The following CCDC7 variants were observed in gnomAD, a reference collection of about 807,000 sequenced individuals.
The protein encoded by CCDC7 is coiled-coil domain-containing protein 7.
A neutral mutation model predicts 196.9 loss-of-function variants in CCDC7; 183 were observed. The ratio of observed to expected loss-of-function variants is 0.93; its 90% CI spans 0.82 to 1.05. The LOEUF (loss-of-function observed/expected upper bound fraction) is 1.05, where lower values mean the gene tolerates loss of function less well. Ranked by LOEUF, CCDC7 falls within the 50% of genes least tolerant of loss-of-function variation. The pLI is 0.00. For missense variants in CCDC7, 1,540 were observed against 1,482.2 expected (o/e 1.04, Z -0.64); for synonymous variants, 525 against 484.6 (o/e 1.08, Z -1.10).
At chr10:32,733,137 C>A (rs528608904) in intron 28 of CCDC7, among the ~76,000 whole-genome samples, 1 of 151,992 alleles carries the variant, frequency 6.6e-6, no homozygotes, top group South Asian at 2.1e-4. Context: ...TTACTCATAT[C>A]TGTTATAAAA....
At chr10:32,455,999 T>C (rs2133461697) in intron 2 of CCDC7, among the ~76,000 whole-genome samples, 1 of 152,202 alleles carries the variant, frequency 6.6e-6, no homozygotes, top group East Asian at 1.9e-4. Flanking sequence ...TGTGTAGAGA[T>C]GAATGAGAGG....
chr10:32,865,668 C>CA (rs959779450), intron 41 of CCDC7, among the ~76,000 whole-genome samples: 3 of 151,762 alleles, frequency 2.0e-5, no homozygotes, highest in African/African-American at 7.2e-5. Flanking sequence ...CAGCTGTAGG[C>CA]ATTGTCAAAA....
chr10:32,585,852 T>C (rs2059216985), intron 18 of CCDC7, among the ~76,000 whole-genome samples: 1 of 152,138 alleles, frequency 6.6e-6, no homozygotes, highest in Non-Finnish European at 1.5e-5. Flanking sequence ...CATGTGTCTT[T>C]ATAGTAAAAT....
At chr10:32,591,819 C>T (rs1202732055) in intron 18 of CCDC7, among the ~76,000 whole-genome samples, 1 of 152,118 alleles carries the variant, frequency 6.6e-6, no homozygotes, top group Non-Finnish European at 1.5e-5. Flanking sequence ...GCAGCGGGCT[C>T]CCATCTGTCC....
At chr10:32,737,885 C>T (rs886886766) in intron 28 of CCDC7, among the ~76,000 whole-genome samples, 1 of 152,126 alleles carries the variant, frequency 6.6e-6, no homozygotes, top group Non-Finnish European at 1.5e-5. Flanking sequence ...TACTCTGTTA[C>T]TTTACTTTTA....
At chr10:32,459,332 G>C (rs2035082655) in intron 3 of CCDC7, among the ~76,000 whole-genome samples, 1 of 151,434 alleles carries the variant, frequency 6.6e-6, no homozygotes, top group African/African-American at 2.4e-5. Context: ...CCTCTAGAGA[G>C]CTCAAAAGTG....
chr10:32,756,500 C>G (rs910482397), intron 28 of CCDC7, among the ~76,000 whole-genome samples: 7 of 152,146 alleles, frequency 4.6e-5, no homozygotes, highest in Non-Finnish European at 7.3e-5. Flanking sequence ...TCCAGCCAAA[C>G]TAAGCTTCAT....
At chr10:32,804,078 A>G (rs1361553781) in intron 29 of CCDC7, among the ~76,000 whole-genome samples, 1 of 152,176 alleles carries the variant, frequency 6.6e-6, no homozygotes, top group Non-Finnish European at 1.5e-5. Context: ...AAAGACATCC[A>G]TCTATTATGT....
chr10:32,514,752 C>A (rs1038590108), intron 9 of CCDC7, among the ~76,000 whole-genome samples: 2 of 152,160 alleles, frequency 1.3e-5, no homozygotes, highest in African/African-American at 4.8e-5. Flanking sequence ...TACAAAACAT[C>A]ATTGAAAGAA....
At chr10:32,696,734 G>A (rs1472027905) in intron 24 of CCDC7, among the ~76,000 whole-genome samples, 2 of 152,088 alleles carry the variant, frequency 1.3e-5, no homozygotes, top group Non-Finnish European at 1.5e-5. Flanking sequence ...GATCTCTTTG[G>A]TGAGGCCCTT....
At chr10:32,841,102 C>T (rs954439228) in intron 33 of CCDC7, among the ~76,000 whole-genome samples, 1 of 152,000 alleles carries the variant, frequency 6.6e-6, no homozygotes, top group African/African-American at 2.4e-5. Flanking sequence ...ACAAGGATGC[C>T]TACTCTCACC....
intron 30 of CCDC7, among the ~76,000 whole-genome samples, chr10:32,805,714 C>T (rs2085688663): frequency 6.6e-6 from 1 of 152,212 alleles, no homozygotes; most frequent in South Asian, 2.1e-4. Context: ...GAGGGACCCT[C>T]TAAAACCACT....
rs572163439 is a variant in CCDC7 at position 32,669,231 on chromosome 10, C to T, written c.2122+5070C>T. Among the ~76,000 whole-genome samples the T allele has an allele frequency of 2.9e-3, 438 of 152,172 alleles. 3 individuals carry two copies. The highest frequency in any genetic ancestry group is 4.8e-3 in the Non-Finnish European group (325 of 67,998). ...GCTTTATGTTGAACCATCCTTGCAC[C>T]CAGGAGATAAACCACACTTGATCAT... is the stretch of plus-strand genomic sequence containing the variant. On this transcript the variant is annotated intron_variant, in intron 21 of 41. Coordinates refer to ENST00000639629, the Ensembl canonical transcript of CCDC7.
chr10:32,645,674 T>G (rs1329057091), intron 20 of CCDC7, among the ~76,000 whole-genome samples: 1 of 152,076 alleles, frequency 6.6e-6, no homozygotes, highest in Non-Finnish European at 1.5e-5. Flanking sequence ...CCTGGGCTTT[T>G]CTTTGATGGA....
chr10:32,596,587 G>T (rs986862750), intron 18 of CCDC7, among the ~76,000 whole-genome samples: 1 of 152,094 alleles, frequency 6.6e-6, no homozygotes, highest in Non-Finnish European at 1.5e-5. Flanking sequence ...ATGTTAGCTG[G>T]TTATTTTGCT....
chr10:32,670,513 G>A (rs2073841559), intron 21 of CCDC7, among the ~76,000 whole-genome samples: 1 of 150,826 alleles, frequency 6.6e-6, no homozygotes, highest in African/African-American at 2.4e-5. Flanking sequence ...CTAGCATTAG[G>A]TATATCTCCC....
At position 32,482,273 on chromosome 10, in the gene CCDC7, C is replaced by A. The variant is rs114332382; in HGVS notation, c.796+8250C>A. On this transcript the variant is annotated intron_variant, in intron 8 of 41. Transcript: ENST00000639629. Reference sequence around the variant, plus strand: ...TGTATATATTGTGTCGTGGTGAAGTCTGGGCTTTTAGTGTACCCATCACCT... The same window carrying A: ...TGTATATATTGTGTCGTGGTGAAGTATGGGCTTTTAGTGTACCCATCACCT... Among the ~76,000 whole-genome samples the A allele has an allele frequency of 8.5e-3, 1,298 of 152,014 alleles. 27 individuals are homozygous for A. Among genetic ancestry groups the A allele is most frequent in the African/African-American group, 0.029 (1,198 of 41,502 alleles).
rs373648573 is a variant in CCDC7 at position 32,694,932 on chromosome 10, T to C, written c.2398T>C (p.Ser800Pro). Residue 800 changes from serine (S) to proline (P), a missense_variant, in exon 24 of 42, where the codon TCA becomes CCA. Physicochemically the swap from Ser to Pro is moderately conservative, Grantham distance 74 (BLOSUM62 -1). Coordinates refer to ENST00000639629, the Ensembl canonical transcript of CCDC7. ...TGTGCTTGAACATCAAGATTCAGTG[T>C]CAAAACTGGAAATGCAAATTGAAAA... The C allele has an allele frequency of 4.4e-6, 7 of 1,606,932 alleles. No homozygotes were observed. In the African/African-American group the frequency reaches 8.0e-5, roughly 18 times the overall value.
chr10:32,848,866 T>G (rs1593418953), intron 39 of CCDC7, 148 bp downstream of exon 40: 6 of 681,048 alleles, frequency 8.8e-6, no homozygotes, highest in African/African-American at 7.3e-5. Context: ...ATAAAATGGT[T>G]TTAATTCATC....
Sources: allele counts gnomAD v4.1 joint callset (sites outside exome capture counted in the v4.1 genomes callset), GRCh38; gene constraint gnomAD v4.1.1; transcripts MANE v1.5; gene names NCBI Gene and HGNC (gene_info 2026-07-23, HGNC 2026-07-21).